ADK: variants seen among roughly 807,000 people sequenced by gnomAD.
ADK encodes the protein N6,N6-dimethyladenosine kinase.
In ADK, 24 loss-of-function variants were observed where a neutral mutation model predicts 44.7. The observed-to-expected ratio is 0.54, with a 90% CI of 0.39 to 0.76. The LOEUF is 0.76. Ranked by LOEUF, ADK falls within the 30% of genes least tolerant of loss-of-function variation. The probability of loss-of-function intolerance (pLI) is 0.00; values close to 1 mark genes in which losing one functional copy is unlikely to be tolerated. For synonymous variants in ADK, 128 were observed against 142.6 expected (o/e 0.90, Z 0.73); for missense variants, 321 against 425.1 (o/e 0.76, Z 2.15).
At chr10:74,657,230 A>G (rs531609730) in intron 9 of ADK, among the ~76,000 whole-genome samples, 6 of 152,180 alleles carry the variant, frequency 3.9e-5, no homozygotes, top group Admixed American at 6.5e-5. Context: ...TAGATTCATC[A>G]ACTCATAAAT....
chr10:74,655,930 T>C (rs1394015808), intron 9 of ADK: 13 of 691,088 alleles, frequency 1.9e-5, no homozygotes, highest in Non-Finnish European at 3.6e-5. Context: ...AAGCTGCCCA[T>C]CTGCAAGTCC....
intron 7 of ADK, among the ~76,000 whole-genome samples, chr10:74,552,754 T>A (rs1162695384): frequency 2.0e-5 from 3 of 152,108 alleles, no homozygotes; most frequent in Non-Finnish European, 4.4e-5. Context: ...GCATAATTTT[T>A]AAAAATTGGG....
intron 9 of ADK, among the ~76,000 whole-genome samples, chr10:74,623,110 T>C (rs1853058978): frequency 6.6e-6 from 1 of 152,188 alleles, no homozygotes; most frequent in Non-Finnish European, 1.5e-5. Flanking sequence ...CATCTGTGGT[T>C]TTCAACCAGA....
At chr10:74,608,181 C>T (rs994864385) in intron 9 of ADK, among the ~76,000 whole-genome samples, 7 of 151,816 alleles carry the variant, frequency 4.6e-5, no homozygotes, top group Non-Finnish European at 8.8e-5. Flanking sequence ...AGAACATGGT[C>T]CTTTAGCTCG....
At chr10:74,448,560 C>T (rs931019532) in intron 6 of ADK, among the ~76,000 whole-genome samples, 4 of 152,044 alleles carry the variant, frequency 2.6e-5, no homozygotes, top group African/African-American at 9.7e-5. Context: ...AACCTTGCCC[C>T]AGGAAGATAA....
intron 7 of ADK, among the ~76,000 whole-genome samples, chr10:74,586,480 TA>T (rs1589273440): frequency 6.6e-6 from 1 of 152,218 alleles, no homozygotes; most frequent in Non-Finnish European, 1.5e-5. Context: ...CCTTAAAAGA[TA>T]ATGATTTGAC....
Position 74,471,463 on chromosome 10 carries a change from C to A in ADK, c.556-53793C>A, listed in dbSNP as rs575261146. On this transcript the variant is annotated intron_variant, in intron 6 of 10. Coordinates refer to ENST00000539909, the MANE Select transcript of ADK (RefSeq NM_006721.4). ...GAGGCCTCTATCTTTGTTTTTCTTT[C>A]TTGAGATTGTTATGGTATTTGGGGG... Among the ~76,000 whole-genome samples the A allele has an allele frequency of 5.7e-4, 87 of 152,156 alleles. No individual in the cohort carries two copies. The Middle Eastern group carries it at 0.014, about 24-fold the overall frequency.
Position 74,570,255 on chromosome 10 carries a change from G to A in ADK, c.727-19027G>A, listed in dbSNP as rs570548087. ...TGGCTTAGGATTGACTTGGCGATGC[G>A]GGCTCTTTTTTGATTCCATATGAAC... is the stretch of plus-strand genomic sequence containing the variant. On this transcript the variant is annotated intron_variant, in intron 7 of 10. Transcript: ENST00000539909. Among the ~76,000 whole-genome samples, 778 of 152,132 alleles carry A rather than the reference G, an allele frequency of 5.1e-3. 7 individuals carry two copies. The highest frequency in any genetic ancestry group is 0.018 in the African/African-American group (743 of 41,448).
intron 6 of ADK, among the ~76,000 whole-genome samples, chr10:74,446,644 C>T (rs186015152): frequency 2.6e-5 from 4 of 152,168 alleles, no homozygotes; most frequent in East Asian, 1.9e-4. Context: ...TTCCTTTATG[C>T]TAATAATTCC....
rs1426458623 is a variant in ADK, at chr10:74,200,774, C to A, written c.76C>A (p.Leu26Ile). Residue 26 changes from leucine to isoleucine, a missense_variant, in exon 2 of 11, where the codon CTC becomes ATC. Physicochemically the swap from Leu to Ile is conservative, Grantham distance 5. Coordinates refer to ENST00000539909, the MANE Select transcript of ADK (RefSeq NM_006721.4). ...TTTGTGTTTTTTTAGAGAAAATATT[C>A]TCTTTGGAATGGGAAATCCTCTGCT... is the stretch of plus-strand genomic sequence containing the variant. ...EAPQALRENI[L>I]FGMGNPLLDI... The A allele has an allele frequency of 6.2e-7, 1 of 1,609,244 alleles. No individual in the cohort carries two copies. The highest frequency in any genetic ancestry group is 8.5e-7 in the Non-Finnish European group (1 of 1,176,474).
intron 5 of ADK, among the ~76,000 whole-genome samples, chr10:74,396,861 C>G (rs145706008): frequency 2.0e-3 from 298 of 151,490 alleles, no homozygotes; most frequent in African/African-American, 7.0e-3. Flanking sequence ...GAGACTGAGG[C>G]AAGGAAATTG....
intron 4 of ADK, among the ~76,000 whole-genome samples, chr10:74,332,501 AAT>A (rs1183060179): frequency 1.3e-5 from 2 of 152,202 alleles, no homozygotes; most frequent in African/African-American, 4.8e-5. Flanking sequence ...TATTCATGGG[AAT>A]GTTTTCAACA....
At chr10:74,561,277 G>A (rs967017006) in intron 7 of ADK, among the ~76,000 whole-genome samples, 1 of 152,140 alleles carries the variant, frequency 6.6e-6, no homozygotes, top group African/African-American at 2.4e-5. Flanking sequence ...AGCTTTCACC[G>A]TTATTAAAGA....
intron 7 of ADK, among the ~76,000 whole-genome samples, chr10:74,531,877 G>A (rs931982811): frequency 1.3e-5 from 2 of 152,118 alleles, no homozygotes; most frequent in Non-Finnish European, 2.9e-5. Flanking sequence ...AGTACCAATT[G>A]TATACAAACT....
At chr10:74,427,342 G>A (rs373284980) in intron 6 of ADK, among the ~76,000 whole-genome samples, 4 of 152,144 alleles carry the variant, frequency 2.6e-5, no homozygotes, top group African/African-American at 9.6e-5. Flanking sequence ...GGGACTATAG[G>A]TGCCCACCAC....
intron 7 of ADK, among the ~76,000 whole-genome samples, chr10:74,528,582 A>T (rs1329957011): frequency 6.6e-6 from 1 of 152,194 alleles, no homozygotes; most frequent in East Asian, 1.9e-4. Context: ...ATGTGAAAAG[A>T]CAACTAGTGG....
chr10:74,237,507 G>A (rs573333360), intron 3 of ADK, among the ~76,000 whole-genome samples: 2 of 152,254 alleles, frequency 1.3e-5, no homozygotes, highest in Middle Eastern at 6.8e-3. Context: ...TGTTAATGTT[G>A]ATGTTTTGAC....
At chr10:74,370,787 A>G (rs1842633803) in intron 4 of ADK, among the ~76,000 whole-genome samples, 1 of 152,078 alleles carries the variant, frequency 6.6e-6, no homozygotes, top group South Asian at 2.1e-4. Flanking sequence ...TATGTTGCCC[A>G]GGTCTTGAAC....
intron 3 of ADK, among the ~76,000 whole-genome samples, chr10:74,245,419 C>A (rs1342491516): frequency 6.6e-6 from 1 of 151,788 alleles, no homozygotes; most frequent in East Asian, 1.9e-4. Flanking sequence ...AAATCAGATC[C>A]CTCCTACAAA....
Sources: gnomAD v4.1 joint callset for allele counts (sites outside exome capture counted in the v4.1 genomes callset) on GRCh38, gnomAD v4.1.1 for gene constraint, MANE v1.5 for transcripts, NCBI Gene and HGNC (gene_info 2026-07-23, HGNC 2026-07-21) for gene names.